CDC23: variants seen among roughly 807,000 people sequenced by gnomAD.
CDC23 encodes the protein cell division cycle protein 23 homolog.
A neutral mutation model predicts 81.7 loss-of-function variants in CDC23; 26 were observed. That is an observed-to-expected ratio of 0.32 (90% CI 0.23 to 0.44). The LOEUF (loss-of-function observed/expected upper bound fraction) is 0.44. Among genes scored for constraint, CDC23 ranks in the 20% least tolerant of loss-of-function variants. The probability of loss-of-function intolerance (pLI) is 1.00; values close to 1 mark genes in which losing one functional copy is unlikely to be tolerated. For missense variants in CDC23, 519 were observed against 728.0 expected (o/e 0.71, Z 3.30); for synonymous variants, 267 against 270.8 (o/e 0.99, Z 0.14).
chr5:138,192,154 T>C (rs530302404), intron 11 of CDC23, 115 bp downstream of exon 11: 1 of 1,349,560 alleles, frequency 7.4e-7, no homozygotes, highest in African/African-American at 1.5e-5. Flanking sequence ...AACTTTAACC[T>C]CAGATCCCCA....
chr5:138,202,931 G>A (rs189565986), intron 3 of CDC23, among the ~76,000 whole-genome samples: 14 of 152,240 alleles, frequency 9.2e-5, no homozygotes, highest in South Asian at 2.1e-4. Flanking sequence ...AATGTTATCC[G>A]CACAGACTGT....
chr5:138,209,636 C>T (rs1421512971), intron 2 of CDC23, among the ~76,000 whole-genome samples: 1 of 151,580 alleles, frequency 6.6e-6, no homozygotes, highest in Admixed American at 6.6e-5. Flanking sequence ...GCCAGCCTGG[C>T]CAACATGGTG....
chr5:138,210,455 G>C (rs183616381), intron 2 of CDC23, among the ~76,000 whole-genome samples: 170 of 152,300 alleles, frequency 1.1e-3, no homozygotes, highest in African/African-American at 3.9e-3. Flanking sequence ...GAACCTGGGA[G>C]GCAGAGGCTG....
intron 9 of CDC23, 39 bp from the exon 10 acceptor site, chr5:138,192,696 G>A: frequency 6.3e-7 from 1 of 1,580,634 alleles, no homozygotes; most frequent in Non-Finnish European, 8.6e-7. Context: ...TAATCAGAAA[G>A]GTAAAAATAA....
Position 138,206,236 on chromosome 5 carries a change from A to G in CDC23, c.372+311T>C, listed in dbSNP as rs1434116960. 9.9e-5 allele frequency: 44 copies of G among 445,860 alleles called. No homozygotes were observed. The South Asian group carries it at 1.0e-3, about 10-fold the overall frequency. The allele number at this position is 445,860 out of a possible 1,614,324, so 27.6% of individuals were successfully genotyped here. On this transcript the variant is annotated intron_variant, in intron 3 of 15. Transcript: ENST00000394886. ...CATGATAAATGAATTTATAAATTTAAAAGTCAGCCCAGGCTTTTTAACTTA... is the reference window on the plus strand; with the variant it reads ...CATGATAAATGAATTTATAAATTTAGAAGTCAGCCCAGGCTTTTTAACTTA...
chr5:138,190,448 ACT>A (rs529790631), intron 13 of CDC23, among the ~76,000 whole-genome samples: 445 of 139,730 alleles, frequency 3.2e-3, no homozygotes, highest in South Asian at 5.8e-3. Context: ...ACAGAATGAG[ACT>A]CTGACTCCAA....
intron 2 of CDC23, among the ~76,000 whole-genome samples, chr5:138,209,384 T>C (rs1479574148): frequency 6.8e-6 from 1 of 147,848 alleles, no homozygotes; most frequent in Non-Finnish European, 1.5e-5. Flanking sequence ...GTGGAGATCA[T>C]GCCATTGCAC....
rs1754807057 is a variant in CDC23 at position 138,189,901 on chromosome 5, T to C, written c.1430A>G (p.His477Arg). 1.2e-6 allele frequency: 2 copies of C among 1,613,826 alleles called. No homozygotes were observed. Among genetic ancestry groups the C allele is most frequent in the African/African-American group, 1.3e-5 (1 of 74,922 alleles). ...CTGTTCTGACTCAGTCAACTGTTCATGAAGCCTACAAAAGAAACTGATCTT... is the reference window on the plus strand; with the variant it reads ...CTGTTCTGACTCAGTCAACTGTTCACGAAGCCTACAAAAGAAACTGATCTT... The part of the protein sequence containing the change: ...KMALVKLAKL[H>R]EQLTESEQAA... Residue 477 changes from histidine to arginine, a missense_variant, in exon 14 of 16, where the codon CAT (histidine) becomes CGT (arginine). By Grantham distance (29) the His-to-Arg change is conservative. Transcript: ENST00000394886.
At chr5:138,203,035 G>A (rs1239830180) in intron 3 of CDC23, among the ~76,000 whole-genome samples, 2 of 152,126 alleles carry the variant, frequency 1.3e-5, no homozygotes, top group Non-Finnish European at 2.9e-5. Flanking sequence ...GCAGTGAGGG[G>A]CTTAAAGGCA....
In CDC23 at chr5:138,198,287, TA is replaced by T; in HGVS notation, c.931-8del. Reference sequence around the variant, plus strand: ...TCAACTCCGATTTCATGCTCTGGGATAAAAGAAAAAGACAATATAAGCATGA... The same window carrying T: ...TCAACTCCGATTTCATGCTCTGGGATAAAGAAAAAGACAATATAAGCATGA... On this transcript the variant is annotated splice_polypyrimidine_tract_variant and splice_region_variant and intron_variant, in intron 8 of 15. Transcript: ENST00000394886. The T allele has an allele frequency of 6.2e-7, 1 of 1,611,538 alleles. No homozygotes were observed. The highest frequency in any genetic ancestry group is 8.5e-7 in the Non-Finnish European group (1 of 1,177,956).
At chr5:138,192,760 T>A in intron 9 of CDC23, 103 bp from the exon 10 acceptor site, 1 of 1,015,956 alleles carries the variant, frequency 9.8e-7, no homozygotes, top group Non-Finnish European at 1.4e-6. Context: ...CCATAACCCA[T>A]TCCCTCTAAA....
At chr5:138,191,738 A>G in intron 12 of CDC23, 124 bp downstream of exon 12, 1 of 960,166 alleles carries the variant, frequency 1.0e-6, no homozygotes, top group Non-Finnish European at 1.7e-6. Context: ...CTATGTATCT[A>G]TAAATATTCA....
At chr5:138,198,106 C>T (rs1211144538) in intron 9 of CDC23, 93 bp downstream of exon 9, 25 of 952,206 alleles carry the variant, frequency 2.6e-5, no homozygotes, top group Admixed American at 8.1e-5. Flanking sequence ...ACTAAAGGCA[C>T]GCACCACCAT....
rs773065552 is a variant in CDC23 at position 138,206,674 on chromosome 5, T to C, written c.245A>G (p.Gln82Arg). 10 of 1,608,736 alleles carry C rather than the reference T, an allele frequency of 6.2e-6. No individual in the cohort carries two copies. The highest frequency in any genetic ancestry group is 1.7e-5 in the Admixed American group (1 of 59,068). The change falls in exon 3 of 16, where the codon CAG becomes CGG. Residue 82 changes from glutamine to arginine, a missense_variant. By Grantham distance (43) the Gln-to-Arg change is conservative (BLOSUM62 1). This residue lies in a region of CDC23 where 126 missense variants were observed against 116.2 expected (regional missense o/e 1.08). Coordinates refer to ENST00000394886, the MANE Select transcript of CDC23 (RefSeq NM_004661.4). ...PPPPITEEDA[Q>R]DMDAYTLAKA... Reference sequence around the variant, plus strand: ...GGCCAGGGTATAGGCATCCATATCCTGGGCATCTTCCTAAAAAAGAAACAA... The same window carrying C: ...GGCCAGGGTATAGGCATCCATATCCCGGGCATCTTCCTAAAAAAGAAACAA...
intron 2 of CDC23, among the ~76,000 whole-genome samples, chr5:138,211,859 G>A (rs1755116860): frequency 6.6e-6 from 1 of 152,110 alleles, no homozygotes; most frequent in South Asian, 2.1e-4. Context: ...GATGGGCCTA[G>A]GCATTATGAA....
intron 2 of CDC23, among the ~76,000 whole-genome samples, chr5:138,210,341 A>C (rs1270908080): frequency 6.6e-6 from 1 of 151,932 alleles, no homozygotes; most frequent in Non-Finnish European, 1.5e-5. Context: ...CCTGGCCAAC[A>C]CGGTGAAACC....
rs746374234 is a variant in CDC23, at chr5:138,213,292, C to A, written c.21G>T (p.Met7Ile). Residue 7 changes from methionine to isoleucine, a missense_variant, in exon 1 of 16, where the codon ATG becomes ATT. Met to Ile is a conservative substitution (Grantham distance 10). Coordinates refer to ENST00000394886, the MANE Select transcript of CDC23 (RefSeq NM_004661.4). MAASTS[M>I]VPVAVTAAVA... ...CTGCCGCCGTCACAGCCACCGGGAC[C>A]ATGGAGGTACTCGCAGCCATTTTCC... The A allele has an allele frequency of 4.3e-6, 7 of 1,613,866 alleles. No individual in the cohort carries two copies. The South Asian group carries it at 7.7e-5, about 18-fold the overall frequency.
At chr5:138,212,082 T>C (rs116328318) in intron 2 of CDC23, among the ~76,000 whole-genome samples, 57 of 152,298 alleles carry the variant, frequency 3.7e-4, no homozygotes, top group African/African-American at 1.3e-3. Context: ...GACCGAAATA[T>C]AGATGCAAGC....
intron 9 of CDC23, among the ~76,000 whole-genome samples, chr5:138,196,071 A>G (rs1439710215): frequency 6.6e-6 from 1 of 151,044 alleles, no homozygotes; most frequent in Non-Finnish European, 1.5e-5. Flanking sequence ...TATAATATGA[A>G]AGCTAGCGTA....
Sources: allele counts gnomAD v4.1 joint callset (sites outside exome capture counted in the v4.1 genomes callset), GRCh38; gene constraint gnomAD v4.1.1; regional missense constraint gnomAD v4.1.1; transcripts MANE v1.5; gene names NCBI Gene and HGNC (gene_info 2026-07-23, HGNC 2026-07-21).